The following LHFPL1 variants were observed in gnomAD, a reference collection of about 807,000 sequenced individuals.
The protein encoded by LHFPL1 is LHFPL tetraspan subfamily member 1 protein.
In LHFPL1, 4 loss-of-function variants were observed where a neutral mutation model predicts 12.1. The observed-to-expected ratio is 0.33, with a 90% CI of 0.16 to 0.76. The LOEUF is 0.76. Ranked by LOEUF, LHFPL1 falls within the 30% of genes least tolerant of loss-of-function variation. The pLI is 0.61. For synonymous variants in LHFPL1, 52 were observed against 61.9 expected (o/e 0.84, Z 0.75); for missense variants, 141 against 174.1 (o/e 0.81, Z 1.07).
chrX:112,666,214 G>A (rs1931328640), intron 2 of LHFPL1, among the ~76,000 whole-genome samples: 1 of 111,604 alleles, frequency 9.0e-6, no homozygotes, highest in Non-Finnish European at 1.9e-5. Flanking sequence ...TAACAACTTC[G>A]ACTCAAACAC....
chrX:112,651,216 C>T (rs1930845680), intron 3 of LHFPL1, among the ~76,000 whole-genome samples: 1 of 111,888 alleles, frequency 8.9e-6, no homozygotes, highest in South Asian at 3.7e-4. Flanking sequence ...TTGGATAAGT[C>T]TCTTTACCTT....
At chrX:112,653,909 C>G (rs951433119) in intron 3 of LHFPL1, among the ~76,000 whole-genome samples, 2 of 112,307 alleles carry the variant, frequency 1.8e-5, no homozygotes, top group Non-Finnish European at 3.8e-5. Context: ...GTTATTTAAT[C>G]CTTTTCATAA....
intron 3 of LHFPL1, among the ~76,000 whole-genome samples, chrX:112,657,991 A>T (rs1931062251): frequency 9.0e-6 from 1 of 111,675 alleles, no homozygotes; most frequent in South Asian, 3.7e-4. Flanking sequence ...TGTCATCAAG[A>T]AAGTGAAAAG....
chrX:112,635,831 G>A (rs919755394), intron 3 of LHFPL1, among the ~76,000 whole-genome samples: 5 of 108,534 alleles, frequency 4.6e-5, no homozygotes, highest in African/African-American at 1.7e-4. Flanking sequence ...ATGTTTCAGA[G>A]AAAGCATAAC....
chrX:112,638,462 A>G (rs1386626626), intron 3 of LHFPL1, among the ~76,000 whole-genome samples: 4 of 111,463 alleles, frequency 3.6e-5, no homozygotes, highest in Non-Finnish European at 7.5e-5. Context: ...AGAAGCACCT[A>G]GGAATCCTTT....
chrX:112,656,960 C>T (rs1026911291), intron 3 of LHFPL1, among the ~76,000 whole-genome samples: 9 of 111,627 alleles, frequency 8.1e-5, no homozygotes, highest in African/African-American at 2.6e-4. Context: ...CCCAGCATCT[C>T]AAAAGTGTAT....
intron 1 of LHFPL1, among the ~76,000 whole-genome samples, chrX:112,676,484 G>A (rs1043748122): frequency 4.7e-4 from 52 of 111,776 alleles, no homozygotes; most frequent in Non-Finnish European, 9.4e-5. Flanking sequence ...TAGATGGGCC[G>A]CAAGCCTGTT....
At chrX:112,640,941 T>A (rs1306860999) in intron 3 of LHFPL1, among the ~76,000 whole-genome samples, 1 of 111,740 alleles carries the variant, frequency 8.9e-6, no homozygotes, top group Admixed American at 9.5e-5. Context: ...TTGAATACAG[T>A]GAATGTTCAG....
intron 3 of LHFPL1, among the ~76,000 whole-genome samples, chrX:112,656,567 A>C (rs1411709483): frequency 2.7e-5 from 3 of 111,811 alleles, no homozygotes; most frequent in African/African-American, 9.8e-5. Context: ...GAAAGGAAGA[A>C]GTAAAATTGT....
At chrX:112,633,206 C>T (rs771190287) in intron 3 of LHFPL1, among the ~76,000 whole-genome samples, 24 of 112,336 alleles carry the variant, frequency 2.1e-4, no homozygotes, top group African/African-American at 7.4e-4. Context: ...GCTCTATCCA[C>T]TGTGGGTACC....
intron 3 of LHFPL1, among the ~76,000 whole-genome samples, chrX:112,655,170 G>C (rs1930961779): frequency 8.9e-6 from 1 of 112,028 alleles, no homozygotes; most frequent in African/African-American, 3.2e-5. Flanking sequence ...TGTCACTTCT[G>C]TCATACTCTA....
intron 1 of LHFPL1, among the ~76,000 whole-genome samples, chrX:112,676,648 G>A (rs1014104413): frequency 2.1e-4 from 24 of 111,989 alleles, no homozygotes; most frequent in Admixed American, 1.1e-3. Context: ...GCACAGCCTC[G>A]TGGGTAGAAG....
intron 3 of LHFPL1, among the ~76,000 whole-genome samples, chrX:112,647,222 C>G (rs889865904): frequency 8.9e-6 from 1 of 111,885 alleles, no homozygotes; most frequent in African/African-American, 3.2e-5. Flanking sequence ...CATAAAAACC[C>G]TAGAAGAAAA....
chrX:112,637,186 G>A (rs1412445376), intron 3 of LHFPL1, among the ~76,000 whole-genome samples: 6 of 111,960 alleles, frequency 5.4e-5, no homozygotes, highest in Non-Finnish European at 9.4e-5. Context: ...CTCAGCAGTG[G>A]GCCTGACATT....
intron 3 of LHFPL1, among the ~76,000 whole-genome samples, chrX:112,645,997 T>C (rs550449895): frequency 9.0e-6 from 1 of 111,144 alleles, no homozygotes; most frequent in African/African-American, 3.3e-5. Context: ...TTGTGGGGCC[T>C]TCAGAAAGTC....
chrX:112,631,671 A>G, intron 3 of LHFPL1, 70 bp from the exon 4 acceptor site: 1 of 785,267 alleles, frequency 1.3e-6, no homozygotes, highest in Non-Finnish European at 1.8e-6. Flanking sequence ...AATGAACTAT[A>G]GAAATGATTC....
At chrX:112,665,510 T>C (rs774922062) in intron 2 of LHFPL1, among the ~76,000 whole-genome samples, 2 of 111,803 alleles carry the variant, frequency 1.8e-5, no homozygotes, top group Non-Finnish European at 3.8e-5. Context: ...CTGTTTCAAC[T>C]GCATATGCTT....
intron 3 of LHFPL1, among the ~76,000 whole-genome samples, chrX:112,634,893 C>G (rs1463548785): frequency 8.9e-6 from 1 of 111,848 alleles, no homozygotes; most frequent in Non-Finnish European, 1.9e-5. Context: ...TATCTTCCAT[C>G]CACATCCCTC....
At position 112,640,252 on chromosome X, in the gene LHFPL1, C is replaced by A. The variant is rs749307988; in HGVS notation, c.482-8651G>T. 3.6e-5 allele frequency among the ~76,000 whole-genome samples: 4 copies of A among 111,217 alleles called. No individual in the cohort carries two copies. The East Asian group carries it at 1.1e-3, about 32-fold the overall frequency. On this transcript the variant is annotated intron_variant, in intron 3 of 3. Transcript: ENST00000371968. ...AGTGTGACAAGCGCTCCGATATGGA[C>A]TGCCACAAGGATATAGGTGAGAGAT...
Sources: allele counts gnomAD v4.1 joint callset (sites outside exome capture counted in the v4.1 genomes callset), GRCh38; gene constraint gnomAD v4.1.1; transcripts MANE v1.5; gene names NCBI Gene and HGNC (gene_info 2026-07-23, HGNC 2026-07-21).